PXDNL: variants seen among roughly 807,000 people sequenced by gnomAD.
PXDNL encodes probable oxidoreductase PXDNL.
In PXDNL, 145 loss-of-function variants were observed where a neutral mutation model predicts 150.8. The observed-to-expected ratio is 0.96, with a 90% CI of 0.84 to 1.10. The LOEUF is 1.10. PXDNL is among the 50% of genes least tolerant of loss of function. PXDNL has a pLI of 0.00. For missense variants in PXDNL, 2,087 were observed against 1,873.9 expected (o/e 1.11, Z -2.10); for synonymous variants, 757 against 725.7 (o/e 1.04, Z -0.69).
intron 12 of PXDNL, chr8:51,435,612 C>T (rs1248037492): frequency 5.7e-6 from 1 of 174,652 alleles, no homozygotes; most frequent in Non-Finnish European, 1.4e-5. Context: ...ATGGCGGCAA[C>T]CAAGAGGAAA....
chr8:51,607,395 G>C (rs374456563), intron 2 of PXDNL, among the ~76,000 whole-genome samples: 2 of 152,142 alleles, frequency 1.3e-5, no homozygotes, highest in African/African-American at 4.8e-5. Context: ...AAGGAGGCAC[G>C]AAGCCCAGTT....
chr8:51,426,644 A>G lies in PXDNL; in HGVS notation c.1638+2T>C, dbSNP rs1809109371. The G allele has an allele frequency of 2.6e-6, 4 of 1,522,620 alleles. No homozygotes were observed. The highest frequency in any genetic ancestry group is 3.6e-6 in the Non-Finnish European group (4 of 1,101,780). 94.3% of individuals were successfully genotyped at this position (1,522,620 alleles called of 1,614,324 possible). A position where few individuals can be genotyped will look rare whatever the true frequency, so the allele number is the denominator to read the frequency against. ...TTACTGTACTTTTAGTTGAGATCTTACCTTATTCCAAGTAATTATGGGCTG... is the reference window on the plus strand; with the variant it reads ...TTACTGTACTTTTAGTTGAGATCTTGCCTTATTCCAAGTAATTATGGGCTG... On this transcript the variant is annotated splice_donor_variant, in intron 13 of 22. Coordinates refer to ENST00000356297, the MANE Select transcript of PXDNL (RefSeq NM_144651.5). LOFTEE classifies it high-confidence loss of function.
chr8:51,594,987 A>T (rs1262637697), intron 2 of PXDNL, among the ~76,000 whole-genome samples: 1 of 152,172 alleles, frequency 6.6e-6, no homozygotes, highest in African/African-American at 2.4e-5. Flanking sequence ...GATGCCCATG[A>T]TGCCAAAGGA....
At chr8:51,519,641 G>T (rs1563447909) in intron 4 of PXDNL, among the ~76,000 whole-genome samples, 1 of 152,142 alleles carries the variant, frequency 6.6e-6, no homozygotes, top group African/African-American at 2.4e-5. Flanking sequence ...AAGCTGGAAT[G>T]GCTACACACA....
intron 14 of PXDNL, 101 bp from the exon 15 acceptor site, chr8:51,413,359 A>G: frequency 1.5e-6 from 1 of 676,934 alleles, no homozygotes; most frequent in Non-Finnish European, 2.6e-6. Context: ...ATGCCATTAC[A>G]TTTAAAACCT....
chr8:51,765,643 C>A (rs2037220614), intron 1 of PXDNL, among the ~76,000 whole-genome samples: 1 of 152,048 alleles, frequency 6.6e-6, no homozygotes, highest in South Asian at 2.1e-4. Context: ...TACTAATTAA[C>A]ACAACTATTA....
In PXDNL at chr8:51,806,844, T is replaced by C. The variant is rs544218989; in HGVS notation, c.164+2337A>G. Among the ~76,000 whole-genome samples, 9 of 152,272 alleles carry C rather than the reference T, an allele frequency of 5.9e-5. No homozygotes were observed. The East Asian group carries it at 1.7e-3, about 29-fold the overall frequency. ...AGAGCTGCCTCTGCCTTCATTACCA[T>C]CCCCACACACTCCAAGCTTCAGGCT... On this transcript the variant is annotated intron_variant, in intron 1 of 22. Transcript: ENST00000356297.
At chr8:51,548,243 A>T (rs1812405175) in intron 4 of PXDNL, among the ~76,000 whole-genome samples, 1 of 152,202 alleles carries the variant, frequency 6.6e-6, no homozygotes, top group Non-Finnish European at 1.5e-5. Flanking sequence ...AAGAAGAGAA[A>T]TCTAAAACTT....
chr8:51,411,275 C>A lies in PXDNL; in HGVS notation c.2037G>T (p.Gly679=), dbSNP rs753610686. The A allele has an allele frequency of 2.6e-5, 40 of 1,517,996 alleles. No homozygotes were observed. The highest frequency in any genetic ancestry group is 3.4e-5 in the Non-Finnish European group (39 of 1,135,770). The allele number at this position is 1,517,996 out of a possible 1,614,324, so 94.0% of individuals were successfully genotyped here. The part of the protein sequence containing the change: ...LQLIRERVKQ[G]LTVDLEGKEF... ...CTTTGCCTTCCAAGTCCACAGTGAG[C>A]CCCTGCTTCACACGTTCCCGTATCA... The change falls in exon 16 of 23, where the codon GGG becomes GGT. Residue 679 remains glycine, a synonymous_variant. Transcript: ENST00000356297.
At chr8:51,508,353 A>T (rs1811335070) in intron 4 of PXDNL, among the ~76,000 whole-genome samples, 1 of 152,246 alleles carries the variant, frequency 6.6e-6, no homozygotes, top group African/African-American at 2.4e-5. Context: ...AATTGTGGCT[A>T]TGTCATGCAG....
intron 2 of PXDNL, among the ~76,000 whole-genome samples, chr8:51,617,984 A>C (rs1814164662): frequency 1.3e-5 from 2 of 152,266 alleles, no homozygotes; most frequent in African/African-American, 4.8e-5. Flanking sequence ...GGGGATTTCC[A>C]AGTGGTTATA....
At chr8:51,740,160 A>G (rs2036888890) in intron 1 of PXDNL, among the ~76,000 whole-genome samples, 1 of 152,232 alleles carries the variant, frequency 6.6e-6, no homozygotes, top group African/African-American at 2.4e-5. Context: ...TCCTATCAAA[A>G]TTTAACAAGG....
chr8:51,660,202 T>C (rs1395077514), intron 1 of PXDNL, among the ~76,000 whole-genome samples: 1 of 152,160 alleles, frequency 6.6e-6, no homozygotes, highest in Non-Finnish European at 1.5e-5. Context: ...CAATTTAAGA[T>C]ATTAAATAGT....
intron 4 of PXDNL, among the ~76,000 whole-genome samples, chr8:51,527,254 ACC>A (rs1156750012): frequency 5.3e-5 from 8 of 149,860 alleles, no homozygotes; most frequent in Non-Finnish European, 1.2e-4. Flanking sequence ...GCCTTCACAC[ACC>A]CCCTTCCTAC....
In PXDNL at chr8:51,408,999, A is replaced by T. The variant is rs1184966890; in HGVS notation, c.2625T>A (p.Ser875=). 1.9e-6 allele frequency: 3 copies of T among 1,611,488 alleles called. No homozygotes were observed. The highest frequency in any genetic ancestry group is 2.5e-6 in the Non-Finnish European group (3 of 1,179,852). ...GTGCATAGACTGAATCCACCGTCGC[A>T]GAGGGACGGCCGCTGGCACACGCGG... The part of the protein sequence containing the change: ...SSPACASGRP[S]ATVDSVYARE... The change falls in exon 17 of 23, where the codon TCT becomes TCA. Residue 875 remains serine (S), a synonymous_variant. Coordinates refer to ENST00000356297, the MANE Select transcript of PXDNL (RefSeq NM_144651.5).
chr8:51,599,711 GATGTCA>G (rs1813653753), intron 2 of PXDNL, among the ~76,000 whole-genome samples: 17 of 122,418 alleles, frequency 1.4e-4, no homozygotes, highest in South Asian at 5.2e-4. Context: ...TTATATAAAT[GATGTCA>G]TTTATATAAT....
intron 1 of PXDNL, among the ~76,000 whole-genome samples, chr8:51,720,363 G>C (rs186064390): frequency 5.1e-4 from 77 of 151,950 alleles, no homozygotes; most frequent in Admixed American, 7.9e-4. Context: ...TTTTGGAAGG[G>C]TTTTCATTCA....
intron 7 of PXDNL, among the ~76,000 whole-genome samples, chr8:51,474,542 A>G (rs998277260): frequency 6.6e-6 from 1 of 152,204 alleles, no homozygotes; most frequent in Non-Finnish European, 1.5e-5. Flanking sequence ...TAAAAAATCA[A>G]TTACTGAATT....
At position 51,409,095 on chromosome 8, in the gene PXDNL, G is replaced by T; in HGVS notation, c.2529C>A (p.Phe843Leu). 6.2e-7 allele frequency: 1 copy of T among 1,609,518 alleles called. No homozygotes were observed. ...SSVCTNDPPC[F>L]PMNTRHADPR... Reference sequence around the variant, plus strand: ...GGTCGGCGTGCCGGGTGTTCATGGGGAAACAAGGAGGGTCGTTGGTGCAGA... The same window carrying T: ...GGTCGGCGTGCCGGGTGTTCATGGGTAAACAAGGAGGGTCGTTGGTGCAGA... The change falls in exon 17 of 23, where the codon TTC (phenylalanine) becomes TTA (leucine). Residue 843 changes from phenylalanine to leucine, a missense_variant. Transcript: ENST00000356297.
Sources: gnomAD v4.1 joint callset for allele counts (sites outside exome capture counted in the v4.1 genomes callset) on GRCh38, gnomAD v4.1.1 for gene constraint, MANE v1.5 for transcripts, NCBI Gene and HGNC (gene_info 2026-07-23, HGNC 2026-07-21) for gene names.